Variants in C1RL observed in about 807,000 individuals in gnomAD.
C1RL encodes the protein complement C1r subcomponent-like protein.
Under a neutral mutation model 27.9 loss-of-function variants are expected in C1RL, and 27 were observed. The observed-to-expected ratio is 0.97, with a 90% CI of 0.71 to 1.33. C1RL has a LOEUF of 1.33. Ranked by LOEUF, C1RL falls within the 40% of genes most tolerant of loss-of-function variation. C1RL has a pLI of 0.00. For missense variants in C1RL, 563 were observed against 623.9 expected (o/e 0.90, Z 1.04); for synonymous variants, 248 against 252.1 (o/e 0.98, Z 0.15).
chr12:7,095,022 A>G lies in C1RL; in HGVS notation c.*1369T>C. 1.8e-6 allele frequency: 2 copies of G among 1,116,948 alleles called. No homozygotes were observed. Among genetic ancestry groups the G allele is most frequent in the Non-Finnish European group, 2.2e-6 (2 of 905,118 alleles). The allele number at this position is 1,116,948 out of a possible 1,614,324, so 69.2% of individuals were successfully genotyped here. A position where few individuals can be genotyped will look rare whatever the true frequency, so the allele number is the denominator to read the frequency against. On this transcript the variant is annotated 3_prime_UTR_variant, in exon 6 of 6. Transcript: ENST00000266542. The stretch of plus-strand genomic sequence containing the variant: ...ATATAGCAACTTGACTCTTGATGCT[A>G]ACAAATTACCTCTCTTCTCTCTTTT...
At chr12:7,105,592 G>C (rs1382739741) in intron 2 of C1RL, among the ~76,000 whole-genome samples, 3 of 152,140 alleles carry the variant, frequency 2.0e-5, no homozygotes, top group African/African-American at 7.2e-5. Flanking sequence ...GGACAGCCAA[G>C]TATTATCAGA....
At chr12:7,103,085 A>G (rs1220457812) in intron 2 of C1RL, among the ~76,000 whole-genome samples, 1 of 152,196 alleles carries the variant, frequency 6.6e-6, no homozygotes, top group Non-Finnish European at 1.5e-5. Context: ...AAATTTCTCA[A>G]TCGCCCCAAA....
At chr12:7,102,203 C>T (rs1938648602) in intron 2 of C1RL, 116 bp from the exon 3 acceptor site, 2 of 1,049,272 alleles carry the variant, frequency 1.9e-6, no homozygotes, top group African/African-American at 3.2e-5. Flanking sequence ...GGCCGTGCCC[C>T]TCTGGGGCTC....
At chr12:7,105,684 C>A (rs1395778462) in intron 2 of C1RL, among the ~76,000 whole-genome samples, 1 of 152,134 alleles carries the variant, frequency 6.6e-6, no homozygotes, top group Non-Finnish European at 1.5e-5. Context: ...AATAGACCCA[C>A]TATAGAGAAC....
At position 7,104,979 on chromosome 12, in the gene C1RL, A is replaced by C. The variant is rs1057177667; in HGVS notation, c.301-2892T>G. The stretch of plus-strand genomic sequence containing the variant: ...AGTGAGGACTCACTGTACCAAAAAC[A>C]GAAGGATTAAGTGAAAGTCTACCTG... On this transcript the variant is annotated intron_variant, in intron 2 of 5. Coordinates refer to ENST00000266542, the MANE Select transcript of C1RL (RefSeq NM_016546.4). This position sits in a 1 kb window ranked among gnomAD's most constrained non-coding sequence, Gnocchi z 5.4. Among the ~76,000 whole-genome samples the C allele has an allele frequency of 6.6e-6, 1 of 152,224 alleles. No individual in the cohort carries two copies. The highest frequency in any genetic ancestry group is 2.4e-5 in the African/African-American group (1 of 41,450).
At position 7,095,651 on chromosome 12, in the gene C1RL, C is replaced by T. The variant is rs768641083; in HGVS notation, c.*740G>A. 2.4e-5 allele frequency: 24 copies of T among 985,588 alleles called. No individual in the cohort carries two copies. Among genetic ancestry groups the T allele is most frequent in the East Asian group, 1.1e-4 (1 of 8,838 alleles). The allele number at this position is 985,588 out of a possible 1,614,324, so 61.1% of individuals were successfully genotyped here. A position where few individuals can be genotyped will look rare whatever the true frequency, so the allele number is the denominator to read the frequency against. ...AGGATGTGGGGGCTGGGAGGGAAAG[C>T]GGGTGACACAGCAGGTTAGAGGAGG... On this transcript the variant is annotated 3_prime_UTR_variant, in exon 6 of 6. Transcript: ENST00000266542.
rs1938882314 is a variant in C1RL, at chr12:7,109,147, A to G, written c.34T>C (p.Trp12Arg). The G allele has an allele frequency of 3.1e-6, 5 of 1,601,486 alleles. No individual in the cohort carries two copies. The highest frequency in any genetic ancestry group is 1.7e-6 in the Non-Finnish European group (2 of 1,173,698). The change falls in exon 1 of 6, where the codon TGG becomes CGG. Residue 12 changes from tryptophan to arginine, a missense_variant. Physicochemically the swap from Trp to Arg is moderately radical, Grantham distance 101. Transcript: ENST00000266542. ...PGPRVWGKYL[W>R]RSPHSKGCPG... ...CAGCCTTTGGAGTGAGGGCTTCTCCAGAGATATTTCCCCCACACTCTGGGT... is the reference window on the plus strand; with the variant it reads ...CAGCCTTTGGAGTGAGGGCTTCTCCGGAGATATTTCCCCCACACTCTGGGT...
In C1RL at chr12:7,096,280, T is replaced by TGGCC; in HGVS notation, c.*110_*111insGGCC. On this transcript the variant is annotated 3_prime_UTR_variant, in exon 6 of 6. Transcript: ENST00000266542. Reference sequence around the variant, plus strand: ...GTGATGTGAATAGGATTTCCCTGCCTCCCCCAACCCCCCACCCCCAACCCC... The same window carrying TGGCC: ...GTGATGTGAATAGGATTTCCCTGCCTGGCCCCCCCAACCCCCCACCCCCAACCCC... 1.1e-4 allele frequency: 107 copies of TGGCC among 991,838 alleles called. No homozygotes were observed. Among genetic ancestry groups the TGGCC allele is most frequent in the East Asian group, 2.9e-4 (3 of 10,340 alleles). 61.4% of individuals were successfully genotyped at this position (991,838 alleles called of 1,614,324 possible).
At chr12:7,108,226 G>T in intron 2 of C1RL, 25 bp downstream of exon 2, 1 of 1,562,380 alleles carries the variant, frequency 6.4e-7, no homozygotes, top group Non-Finnish European at 8.7e-7. Context: ...CAGTCCTGGC[G>T]GGACCCCCCC....
intron 5 of C1RL, among the ~76,000 whole-genome samples, chr12:7,099,225 CAAAAAAAAAAAA>C (rs1180325788): frequency 0.018 from 800 of 44,408 alleles, 15 homozygotes; most frequent in African/African-American, 0.063. Context: ...AACTCCATCC[CAAAAAAAAAAAA>C]AAAAAAAAAA....
Position 7,108,558 on chromosome 12 carries a change from C to A in C1RL, c.72-79G>T, listed in dbSNP as rs1034086643. ...GTGGGTGTGGGAGGAGCGGGGGAGC[C>A]GCGCTAGGACTCAGAGGCCTCGCGA... On this transcript the variant is annotated intron_variant, in intron 1 of 5. Coordinates refer to ENST00000266542, the MANE Select transcript of C1RL (RefSeq NM_016546.4). 8.3e-5 allele frequency: 99 copies of A among 1,193,038 alleles called. No individual in the cohort carries two copies. In the East Asian group the frequency reaches 2.4e-3, roughly 29 times the overall value. The allele number at this position is 1,193,038 out of a possible 1,614,324, so 73.9% of individuals were successfully genotyped here. A position where few individuals can be genotyped will look rare whatever the true frequency, so the allele number is the denominator to read the frequency against.
At chr12:7,102,149 T>A in intron 2 of C1RL, 62 bp from the exon 3 acceptor site, 1 of 1,516,650 alleles carries the variant, frequency 6.6e-7, no homozygotes, top group Non-Finnish European at 9.0e-7. Context: ...GCTGCTGGCA[T>A]CACAGGGGCA....
At chr12:7,102,119 T>C in intron 2 of C1RL, 32 bp from the exon 3 acceptor site, 1 of 1,591,130 alleles carries the variant, frequency 6.3e-7, no homozygotes, top group African/African-American at 1.3e-5. Flanking sequence ...AGGCTGCAGA[T>C]AGGTGTGGGG....
chr12:7,106,895 T>A (rs760928934), intron 2 of C1RL, among the ~76,000 whole-genome samples: 84 of 152,130 alleles, frequency 5.5e-4, no homozygotes, highest in Non-Finnish European at 1.0e-3. Flanking sequence ...TAACTAAAAA[T>A]GATAATATAG....
Position 7,096,158 on chromosome 12 carries a change from G to C in C1RL, c.*233C>G. On this transcript the variant is annotated 3_prime_UTR_variant, in exon 6 of 6. Coordinates refer to ENST00000266542, the MANE Select transcript of C1RL (RefSeq NM_016546.4). ...CCTAGTGCATGAGCACAGGGAGGTA[G>C]AGGGTGAGGAGGAGCGGTCTGTGGG... 1 of 1,324,976 alleles carries C rather than the reference G, an allele frequency of 7.5e-7. No individual in the cohort carries two copies. The highest frequency in any genetic ancestry group is 2.1e-5 in the South Asian group (1 of 48,570). 82.1% of individuals were successfully genotyped at this position (1,324,976 alleles called of 1,614,324 possible).
At chr12:7,100,801 A>C (rs1285578322) in intron 3 of C1RL, among the ~76,000 whole-genome samples, 1 of 152,144 alleles carries the variant, frequency 6.6e-6, no homozygotes, top group Non-Finnish European at 1.5e-5. Flanking sequence ...AACAATAAAT[A>C]AAATAAAAAA....
rs753398911 is a variant in C1RL at position 7,096,392 on chromosome 12, C to G, written c.1463G>C (p.Ter488SerextTer99). 2 of 1,583,944 alleles carry G rather than the reference C, an allele frequency of 1.3e-6. No homozygotes were observed. Among genetic ancestry groups the G allele is most frequent in the East Asian group, 4.6e-5 (2 of 43,374 alleles). ...WIKGVMNGKN[*>S] ...CAGTCCCTGTTCAAGCCCCCAGGGT[C>G]AATTCTTGCCATTCATCACTCCCTT... is the stretch of plus-strand genomic sequence containing the variant. The change falls in exon 6 of 6, where the codon TGA becomes TCA. Residue 488 changes from the stop codon to serine, a stop_lost. Transcript: ENST00000266542.
chr12:7,099,762 T>C lies in C1RL; in HGVS notation c.617-2A>G, dbSNP rs1458446057. Reference sequence around the variant, plus strand: ...CTGGGGTTGCACAGGTGAGTGCCCCTGTGGCGTAAATGAGGAGAGGCAAAG... The same window carrying C: ...CTGGGGTTGCACAGGTGAGTGCCCCCGTGGCGTAAATGAGGAGAGGCAAAG... On this transcript the variant is annotated splice_acceptor_variant, in intron 4 of 5. Transcript: ENST00000266542. LOFTEE classifies it high-confidence loss of function. 4 of 1,588,654 alleles carry C rather than the reference T, an allele frequency of 2.5e-6. No homozygotes were observed. Among genetic ancestry groups the C allele is most frequent in the African/African-American group, 1.3e-5 (1 of 74,806 alleles).
intron 1 of C1RL, 152 bp from the exon 2 acceptor site, chr12:7,108,631 C>T: frequency 1.6e-6 from 1 of 612,434 alleles, no homozygotes; most frequent in Non-Finnish European, 2.8e-6. Context: ...GGGCACTTCC[C>T]GTCTCCTCCC....
Sources: allele counts gnomAD v4.1 joint callset (sites outside exome capture counted in the v4.1 genomes callset), GRCh38; gene constraint gnomAD v4.1.1; non-coding constraint Gnocchi (gnomAD v3.1); transcripts MANE v1.5; gene names NCBI Gene and HGNC (gene_info 2026-07-23, HGNC 2026-07-21).